PRKAR1A: variants seen among roughly 807,000 people sequenced by gnomAD.
PRKAR1A encodes protein kinase cAMP-dependent type I regulatory subunit alpha.
A neutral mutation model predicts 52.0 loss-of-function variants in PRKAR1A; 3 were observed. That is an observed-to-expected ratio of 0.06 (90% CI 0.03 to 0.15). PRKAR1A has a LOEUF of 0.15. Among genes scored for constraint, PRKAR1A ranks in the 10% least tolerant of loss-of-function variants. The pLI is 1.00. For synonymous variants in PRKAR1A, 188 were observed against 168.4 expected (o/e 1.12, Z -0.90); for missense variants, 240 against 477.4 (o/e 0.50, Z 4.63).
the PRKAR1A span, among the ~76,000 whole-genome samples, chr17:68,473,915 T>G: frequency 1.3e-5 from 2 of 152,174 alleles, no homozygotes; most frequent in African/African-American, 4.8e-5. Flanking sequence ...CCTAAAACCT[T>G]GGAAACTGGG....
intron 11 of PRKAR1A, among the ~76,000 whole-genome samples, chr17:68,549,328 C>G (rs556308357): frequency 5.9e-5 from 9 of 152,090 alleles, no homozygotes; most frequent in Admixed American, 4.6e-4. Context: ...AACCCTGTCT[C>G]TACTAAATAT....
chr17:68,471,250 T>C, the PRKAR1A span, among the ~76,000 whole-genome samples: 4 of 152,168 alleles, frequency 2.6e-5, no homozygotes, highest in Admixed American at 2.6e-4. Context: ...AGCAGCTCTA[T>C]TGGTACTGAA....
intron 11 of PRKAR1A, chr17:68,550,956 C>A: frequency 1.3e-6 from 1 of 742,164 alleles, no homozygotes; most frequent in Non-Finnish European, 1.9e-6. Context: ...TCTCAATGGG[C>A]CTCCCCTTGA....
the PRKAR1A span, chr17:68,421,681 T>C: frequency 1.3e-6 from 2 of 1,575,374 alleles, no homozygotes; most frequent in Non-Finnish European, 1.7e-6. Flanking sequence ...CCCTTTCTGC[T>C]CACACAATTG....
At chr17:68,482,992 G>T in the PRKAR1A span, among the ~76,000 whole-genome samples, 2 of 152,126 alleles carry the variant, frequency 1.3e-5, no homozygotes, top group Admixed American at 1.3e-4. Context: ...CAGTTTTTTT[G>T]AACAAATCAT....
chr17:68,523,636 G>A (rs1378229342), intron 3 of PRKAR1A, 89 bp from the exon 4 acceptor site: 3 of 978,632 alleles, frequency 3.1e-6, no homozygotes, highest in African/African-American at 1.6e-5. Flanking sequence ...ATACCATAAT[G>A]TGGCTTGACA....
the PRKAR1A span, among the ~76,000 whole-genome samples, chr17:68,435,880 A>T: frequency 6.6e-6 from 1 of 152,150 alleles, no homozygotes; most frequent in Non-Finnish European, 1.5e-5. Context: ...TTTCTGGTGA[A>T]TCAAGATTTG....
At chr17:68,415,476 G>T in the PRKAR1A span, among the ~76,000 whole-genome samples, 1 of 152,174 alleles carries the variant, frequency 6.6e-6, no homozygotes, top group Admixed American at 6.5e-5. Flanking sequence ...ATGCACTACT[G>T]AATAGAATGT....
At chr17:68,424,139 T>C in the PRKAR1A span, among the ~76,000 whole-genome samples, 3 of 152,330 alleles carry the variant, frequency 2.0e-5, no homozygotes, top group African/African-American at 7.2e-5. Flanking sequence ...AACTGGTTTA[T>C]AGTTAGGCAG....
At chr17:68,434,872 A>G in the PRKAR1A span, among the ~76,000 whole-genome samples, 10 of 152,090 alleles carry the variant, frequency 6.6e-5, no homozygotes, top group Non-Finnish European at 1.0e-4. Context: ...GTGTGTGTGC[A>G]TGTGTGTGTT....
At chr17:68,472,934 T>A in the PRKAR1A span, among the ~76,000 whole-genome samples, 2 of 151,926 alleles carry the variant, frequency 1.3e-5, no homozygotes, top group African/African-American at 4.8e-5. Context: ...GACAGAGTGA[T>A]ACTCTGTCTC....
At chr17:68,436,929 G>C in the PRKAR1A span, among the ~76,000 whole-genome samples, 1 of 151,994 alleles carries the variant, frequency 6.6e-6, no homozygotes, top group African/African-American at 2.4e-5. Context: ...AGGAGGCAAA[G>C]GTTGCAGTGA....
At chr17:68,525,011 T>C in intron 6 of PRKAR1A, 53 bp downstream of exon 6, 2 of 1,423,284 alleles carry the variant, frequency 1.4e-6, no homozygotes, top group Non-Finnish European at 2.0e-6. Flanking sequence ...AATGTATTGA[T>C]CGCTTCCGAG....
At chr17:68,467,571 T>C in the PRKAR1A span, among the ~76,000 whole-genome samples, 2 of 152,144 alleles carry the variant, frequency 1.3e-5, no homozygotes, top group African/African-American at 4.8e-5. Context: ...TCTCACTGAG[T>C]CAAAGCCCTA....
chr17:68,548,191 C>T (rs149198386), intron 11 of PRKAR1A, among the ~76,000 whole-genome samples: 17 of 152,180 alleles, frequency 1.1e-4, no homozygotes, highest in Non-Finnish European at 2.1e-4. Context: ...GCCAGGAGAT[C>T]GAGACCAGCC....
chr17:68,477,550 C>T, the PRKAR1A span, among the ~76,000 whole-genome samples: 1 of 152,140 alleles, frequency 6.6e-6, no homozygotes, highest in African/African-American at 2.4e-5. Flanking sequence ...CTTTTTTCCC[C>T]GTGTGTACTT....
At chr17:68,438,790 AG>A in the PRKAR1A span, among the ~76,000 whole-genome samples, 1 of 152,192 alleles carries the variant, frequency 6.6e-6, no homozygotes, top group African/African-American at 2.4e-5. Context: ...CAGTAGAGAC[AG>A]GGTTTCACCA....
chr17:68,426,619 G>A, the PRKAR1A span, among the ~76,000 whole-genome samples: 3,387 of 152,230 alleles, frequency 0.022, 132 homozygotes, highest in African/African-American at 0.077. Flanking sequence ...TGCAATCTCC[G>A]CCTCTCTGGT....
chr17:68,500,821 G>A, the PRKAR1A span, among the ~76,000 whole-genome samples: 1 of 151,914 alleles, frequency 6.6e-6, no homozygotes, highest in Non-Finnish European at 1.5e-5. Flanking sequence ...CCGGCCTCAG[G>A]TATAACTTTA....
Sources: gnomAD v4.1 joint callset for allele counts (sites outside exome capture counted in the v4.1 genomes callset) on GRCh38, gnomAD v4.1.1 for gene constraint, MANE v1.5 for transcripts, NCBI Gene and HGNC (gene_info 2026-07-23, HGNC 2026-07-21) for gene names.